The following ANKRD6 variants were observed in gnomAD, a reference collection of about 807,000 sequenced individuals.
ANKRD6 encodes the protein ankyrin repeat domain-containing protein 6.
A neutral mutation model predicts 82.3 loss-of-function variants in ANKRD6; 56 were observed. The observed-to-expected ratio is 0.68, with a 90% CI of 0.55 to 0.85. The LOEUF (loss-of-function observed/expected upper bound fraction) is 0.85. Among genes scored for constraint, ANKRD6 ranks in the 40% least tolerant of loss-of-function variants. The pLI, the probability that ANKRD6 is intolerant of heterozygous loss-of-function variation, is 0.00. For synonymous variants in ANKRD6, 347 were observed against 352.1 expected, an observed-to-expected ratio of 0.99 and a Z score of 0.16; for missense variants, 852 against 907.6, an observed-to-expected ratio of 0.94 and a Z score of 0.79.
chr6:89,550,076 A>G (rs182844793), intron 1 of ANKRD6, among the ~76,000 whole-genome samples: 60 of 152,268 alleles, frequency 3.9e-4, no homozygotes, highest in Admixed American at 3.8e-3. Flanking sequence ...AGCCTGAGCA[A>G]TGAGATTCAG....
intron 1 of ANKRD6, among the ~76,000 whole-genome samples, chr6:89,517,680 T>G (rs189050710): frequency 2.0e-5 from 3 of 152,260 alleles, no homozygotes; most frequent in Non-Finnish European, 2.9e-5. Context: ...TTGATAGTTA[T>G]GTTTATTCTG....
chr6:89,624,127 C>T (rs1804706609), intron 12 of ANKRD6, 70 bp downstream of exon 12: 1 of 1,478,082 alleles, frequency 6.8e-7, no homozygotes. Flanking sequence ...AACGGCATTC[C>T]TGGGGGCTGA....
intron 1 of ANKRD6, among the ~76,000 whole-genome samples, chr6:89,465,524 T>C (rs1774747217): frequency 6.6e-6 from 1 of 152,078 alleles, no homozygotes; most frequent in South Asian, 2.1e-4. Context: ...CTGCATGACC[T>C]TGGGCAAGCT....
At chr6:89,520,056 C>T (rs527255763) in intron 1 of ANKRD6, among the ~76,000 whole-genome samples, 6 of 152,286 alleles carry the variant, frequency 3.9e-5, no homozygotes, top group South Asian at 4.1e-4. Flanking sequence ...GGCACAATCA[C>T]GGCTCACTTG....
intron 1 of ANKRD6, among the ~76,000 whole-genome samples, chr6:89,454,049 C>T (rs760699797): frequency 6.6e-6 from 1 of 152,104 alleles, no homozygotes; most frequent in Admixed American, 6.6e-5. Flanking sequence ...GTGATCCACC[C>T]GCCTCACCCT....
chr6:89,460,909 C>CT (rs143153320), intron 1 of ANKRD6, among the ~76,000 whole-genome samples: 3,322 of 135,950 alleles, frequency 0.024, 152 homozygotes, highest in African/African-American at 0.056. Flanking sequence ...TTTTGGAATT[C>CT]TTTTTTTTTG....
chr6:89,522,831 C>T (rs1782041422), intron 1 of ANKRD6, among the ~76,000 whole-genome samples: 1 of 152,248 alleles, frequency 6.6e-6, no homozygotes, highest in East Asian at 1.9e-4. Flanking sequence ...TTTAGATTTG[C>T]ACTCTTCCTG....
chr6:89,567,032 A>G lies in ANKRD6; in HGVS notation c.56A>G (p.Tyr19Cys). The G allele has an allele frequency of 6.2e-7, 1 of 1,607,634 alleles. No homozygotes were observed. Among genetic ancestry groups the G allele is most frequent in the Non-Finnish European group, 8.5e-7 (1 of 1,176,974 alleles). Residue 19 changes from tyrosine to cysteine, a missense_variant, in exon 2 of 16, where the codon TAC becomes TGC. Transcript: ENST00000339746. ...TCAGAGCGCCTTCTCGTAGCTGCGT[A>G]CAAAGGCCAAACAGAGAATGTGGTT... ...ALSERLLVAA[Y>C]KGQTENVVQL...
chr6:89,570,579 C>T (rs1789626727), intron 2 of ANKRD6, among the ~76,000 whole-genome samples: 1 of 152,204 alleles, frequency 6.6e-6, no homozygotes, highest in Admixed American at 6.5e-5. Flanking sequence ...CAGACCCTGG[C>T]ACCCACCATT....
At chr6:89,534,231 C>G (rs1267537223) in intron 1 of ANKRD6, among the ~76,000 whole-genome samples, 1 of 152,098 alleles carries the variant, frequency 6.6e-6, no homozygotes, top group Non-Finnish European at 1.5e-5. Context: ...TACCATGTTG[C>G]CACCCTAACA....
chr6:89,519,835 T>C (rs1194266713), intron 1 of ANKRD6, among the ~76,000 whole-genome samples: 6 of 152,246 alleles, frequency 3.9e-5, no homozygotes, highest in South Asian at 2.1e-4. Context: ...AAATGCTATC[T>C]GTTAAAGAAA....
chr6:89,518,607 AG>A (rs1184488548), intron 1 of ANKRD6, among the ~76,000 whole-genome samples: 1 of 152,032 alleles, frequency 6.6e-6, no homozygotes, highest in Non-Finnish European at 1.5e-5. Flanking sequence ...TATTTCAGGC[AG>A]ACAGATCAGC....
intron 1 of ANKRD6, among the ~76,000 whole-genome samples, chr6:89,524,874 C>T (rs1176166325): frequency 6.6e-6 from 1 of 151,986 alleles, no homozygotes; most frequent in South Asian, 2.1e-4. Context: ...TATTCACATC[C>T]ATGCCAACAT....
intron 1 of ANKRD6, among the ~76,000 whole-genome samples, chr6:89,516,017 G>T (rs1781171087): frequency 6.6e-6 from 1 of 152,234 alleles, no homozygotes; most frequent in Non-Finnish European, 1.5e-5. Flanking sequence ...TCTGAAGGGA[G>T]TACAGCACTG....
At chr6:89,548,588 C>T (rs1228700421) in intron 1 of ANKRD6, among the ~76,000 whole-genome samples, 1 of 152,190 alleles carries the variant, frequency 6.6e-6, no homozygotes, top group Non-Finnish European at 1.5e-5. Context: ...TATGAATTAA[C>T]TGGACTTTTA....
intron 1 of ANKRD6, among the ~76,000 whole-genome samples, chr6:89,480,432 G>A (rs1430333489): frequency 6.6e-6 from 1 of 152,084 alleles, no homozygotes; most frequent in African/African-American, 2.4e-5. Context: ...TGCCAGCAAG[G>A]ATTGTATTGT....
At chr6:89,627,885 G>A (rs901112203) in intron 14 of ANKRD6, among the ~76,000 whole-genome samples, 189 bp downstream of exon 14, 2 of 152,202 alleles carry the variant, frequency 1.3e-5, no homozygotes, top group African/African-American at 2.4e-5. Flanking sequence ...TTATGTCCGT[G>A]GCTGAATATG....
At chr6:89,566,545 C>T (rs541027061) in intron 1 of ANKRD6, among the ~76,000 whole-genome samples, 3 of 152,348 alleles carry the variant, frequency 2.0e-5, no homozygotes, top group African/African-American at 7.2e-5. Context: ...CAGGCCTCCG[C>T]TCCCTGGGAG....
At chr6:89,458,272 G>A (rs1299640073) in intron 1 of ANKRD6, among the ~76,000 whole-genome samples, 5 of 152,194 alleles carry the variant, frequency 3.3e-5, no homozygotes, top group Non-Finnish European at 5.9e-5. Flanking sequence ...TATAACTGTG[G>A]AAAAGTAGAA....
Sources: gnomAD v4.1 joint callset for allele counts (sites outside exome capture counted in the v4.1 genomes callset) on GRCh38, gnomAD v4.1.1 for gene constraint, MANE v1.5 for transcripts, NCBI Gene and HGNC (gene_info 2026-07-23, HGNC 2026-07-21) for gene names.